MBNL2: variants seen among roughly 807,000 people sequenced by gnomAD.
The protein encoded by MBNL2 is muscleblind-like protein 2.
MBNL2 carries 17 observed loss-of-function variants against 41.9 expected under a neutral mutation model. That is an observed-to-expected ratio of 0.41 (90% CI 0.28 to 0.61). The LOEUF is 0.61. Ranked by LOEUF, MBNL2 falls within the 20% of genes least tolerant of loss-of-function variation. The probability of loss-of-function intolerance (pLI) is 0.35; values close to 1 mark genes in which losing one functional copy is unlikely to be tolerated. For missense variants in MBNL2, 336 were observed against 505.6 expected (o/e 0.66, Z 3.22); for synonymous variants, 195 against 182.9 (o/e 1.07, Z -0.53).
chr13:97,167,957 T>C, the MBNL2 span, among the ~76,000 whole-genome samples: 4 of 152,154 alleles, frequency 2.6e-5, no homozygotes, highest in Non-Finnish European at 4.4e-5. Context: ...TAATTTTTGT[T>C]TGGAGATATA....
chr13:97,382,672 ATTTTTTTTT>A (rs72001733), intron 8 of MBNL2, among the ~76,000 whole-genome samples: 1 of 125,636 alleles, frequency 8.0e-6, no homozygotes, highest in African/African-American at 3.0e-5. Flanking sequence ...TCTGCCAACT[ATTTTTTTTT>A]TTTTTTTTTT....
the MBNL2 span, among the ~76,000 whole-genome samples, chr13:97,212,340 G>A: frequency 5.1e-4 from 77 of 152,096 alleles, no homozygotes; most frequent in South Asian, 3.7e-3. Context: ...CTGTTCAGAG[G>A]GCGCTTTCTG....
intron 2 of MBNL2, among the ~76,000 whole-genome samples, chr13:97,331,275 A>G (rs192144884): frequency 6.6e-6 from 1 of 152,350 alleles, no homozygotes; most frequent in East Asian, 1.9e-4. Context: ...AGAAGATACA[A>G]TAATTATTTC....
At chr13:97,204,194 T>A in the MBNL2 span, among the ~76,000 whole-genome samples, 2 of 152,030 alleles carry the variant, frequency 1.3e-5, no homozygotes, top group Non-Finnish European at 2.9e-5. Flanking sequence ...CATGTGACCT[T>A]CTCCCACAGG....
chr13:97,330,883 T>A (rs1431639649), intron 2 of MBNL2, among the ~76,000 whole-genome samples: 3 of 152,222 alleles, frequency 2.0e-5, no homozygotes, highest in African/African-American at 7.2e-5. Context: ...TTTGAATTAG[T>A]GTGCCTCAGA....
At position 97,371,471 on chromosome 13, in the gene MBNL2, A is replaced by C. The variant is rs1449609684; in HGVS notation, c.1048+6300A>C. Among the ~76,000 whole-genome samples the C allele has an allele frequency of 2.6e-5, 4 of 152,152 alleles. No homozygotes were observed. In the East Asian group the frequency reaches 7.7e-4, roughly 29 times the overall value. On this transcript the variant is annotated intron_variant, in intron 8 of 8. Coordinates refer to ENST00000679496, the MANE Select transcript of MBNL2 (RefSeq NM_001382683.1). ...GAAGTATCAAGTTCAGCTGGAGAATAACTCCCATTCAGATTGATCAGAGCA... is the reference window on the plus strand; with the variant it reads ...GAAGTATCAAGTTCAGCTGGAGAATCACTCCCATTCAGATTGATCAGAGCA...
At chr13:97,254,730 A>C (rs746559794) in intron 1 of MBNL2, among the ~76,000 whole-genome samples, 1 of 152,102 alleles carries the variant, frequency 6.6e-6, no homozygotes, top group Non-Finnish European at 1.5e-5. Context: ...TTTCAGCTAT[A>C]GCATAAATTT....
At chr13:97,311,527 C>G (rs2058606830) in intron 2 of MBNL2, among the ~76,000 whole-genome samples, 1 of 152,084 alleles carries the variant, frequency 6.6e-6, no homozygotes, top group African/African-American at 2.4e-5. Flanking sequence ...TCTAGCTATG[C>G]TTTATGGGAT....
At chr13:97,372,127 C>T (rs533542719) in intron 8 of MBNL2, among the ~76,000 whole-genome samples, 19 of 152,242 alleles carry the variant, frequency 1.2e-4, no homozygotes, top group Admixed American at 6.5e-4. Flanking sequence ...CATTCTGGCC[C>T]GTGAGTCCCT....
chr13:97,343,672 T>C (rs112511269), intron 4 of MBNL2, among the ~76,000 whole-genome samples: 1 of 152,308 alleles, frequency 6.6e-6, no homozygotes, highest in African/African-American at 2.4e-5. Context: ...CTACAACTAT[T>C]TACCAATTGG....
chr13:97,299,612 G>A (rs2057407027), intron 2 of MBNL2, among the ~76,000 whole-genome samples: 1 of 151,914 alleles, frequency 6.6e-6, no homozygotes, highest in South Asian at 2.1e-4. Context: ...TTGATACTGT[G>A]AAATACTGTA....
chr13:97,298,212 TAAAA>T (rs1566401751), intron 2 of MBNL2, among the ~76,000 whole-genome samples: 1 of 151,430 alleles, frequency 6.6e-6, no homozygotes, highest in East Asian at 1.9e-4. Flanking sequence ...AATAAATAAA[TAAAA>T]AAATTCTTAA....
chr13:97,205,143 C>G, the MBNL2 span, among the ~76,000 whole-genome samples: 2 of 148,162 alleles, frequency 1.3e-5, no homozygotes, highest in Non-Finnish European at 3.0e-5. Flanking sequence ...TGCACTCCAG[C>G]CTGGGAGACA....
the MBNL2 span, among the ~76,000 whole-genome samples, chr13:97,144,237 C>G: frequency 6.6e-6 from 1 of 152,090 alleles, no homozygotes; most frequent in Admixed American, 6.5e-5. Context: ...TTAGCAGCAA[C>G]AGCTGGGAAT....
At chr13:97,262,629 C>G (rs2048857465) in intron 1 of MBNL2, among the ~76,000 whole-genome samples, 1 of 152,184 alleles carries the variant, frequency 6.6e-6, no homozygotes, top group Admixed American at 6.5e-5. Flanking sequence ...ATTTCCATGG[C>G]CATGAACTCC....
chr13:97,191,828 G>A, the MBNL2 span, among the ~76,000 whole-genome samples: 1 of 152,278 alleles, frequency 6.6e-6, no homozygotes, highest in South Asian at 2.1e-4. Flanking sequence ...CAGCTGCTCC[G>A]GGTACTTGGC....
chr13:97,368,607 T>C, intron 8 of MBNL2, among the ~76,000 whole-genome samples: 1 of 119,172 alleles, frequency 8.4e-6, no homozygotes, highest in African/African-American at 3.0e-5. Flanking sequence ...TATTTGACCA[T>C]GTGTCATATA....
rs183072916 is a variant in MBNL2 at position 97,334,142 on chromosome 13, G to A, written c.175-134G>A. On this transcript the variant is annotated intron_variant, in intron 2 of 8. Coordinates refer to ENST00000679496, the MANE Select transcript of MBNL2 (RefSeq NM_001382683.1). The surrounding 1 kb of genome is among the most constrained non-coding windows in gnomAD (Gnocchi z 5.3). Reference sequence around the variant, plus strand: ...CCAACAAACACATGAGCATGCGCGCGCACACCCACACACACACACACACAC... The same window carrying A: ...CCAACAAACACATGAGCATGCGCGCACACACCCACACACACACACACACAC... 8.2e-4 allele frequency: 306 copies of A among 371,904 alleles called. No individual in the cohort carries two copies. Among genetic ancestry groups the A allele is most frequent in the African/African-American group, 8.2e-3 (256 of 31,378 alleles). 23.0% of individuals were successfully genotyped at this position (371,904 alleles called of 1,614,324 possible). A position where few individuals can be genotyped will look rare whatever the true frequency, so the allele number is the denominator to read the frequency against.
At chr13:97,350,844 T>C (rs1209014674) in intron 5 of MBNL2, among the ~76,000 whole-genome samples, 3 of 152,214 alleles carry the variant, frequency 2.0e-5, no homozygotes, top group Admixed American at 1.3e-4. Context: ...TCCATGAGGA[T>C]TGGAATTAAC....
Sources: gnomAD v4.1 joint callset for allele counts (sites outside exome capture counted in the v4.1 genomes callset) on GRCh38, gnomAD v4.1.1 for gene constraint, Gnocchi (gnomAD v3.1) non-coding constraint, MANE v1.5 for transcripts, NCBI Gene and HGNC (gene_info 2026-07-23, HGNC 2026-07-21) for gene names.